The following TTC28 variants were observed in gnomAD, a reference collection of about 807,000 sequenced individuals.
TTC28 encodes tetratricopeptide repeat protein 28.
In TTC28, 61 loss-of-function variants were observed where a neutral mutation model predicts 198.0. The ratio of observed to expected loss-of-function variants is 0.31; its 90% confidence interval spans 0.25 to 0.38. TTC28 has a LOEUF of 0.38. TTC28 is among the 10% of genes least tolerant of loss of function. The pLI, the probability that TTC28 is intolerant of heterozygous loss-of-function variation, is 1.00. For synonymous variants in TTC28, 1,171 were observed against 1,297.8 expected (o/e 0.90, Z 2.10); for missense variants, 2,678 against 3,164.0 (o/e 0.85, Z 3.69).
chr22:28,473,455 T>C (rs746546476), intron 2 of TTC28, among the ~76,000 whole-genome samples: 1 of 152,180 alleles, frequency 6.6e-6, no homozygotes, highest in Non-Finnish European at 1.5e-5. Context: ...CAGTTTACTA[T>C]TGCCATGGCA....
intron 2 of TTC28, among the ~76,000 whole-genome samples, chr22:28,420,565 C>CAAAA (rs4035770): frequency 1.0e-5 from 1 of 98,010 alleles, no homozygotes; most frequent in African/African-American, 3.6e-5. Context: ...CTAAAAAATG[C>CAAAA]AAAAAAAAAA....
intron 12 of TTC28, among the ~76,000 whole-genome samples, chr22:28,042,264 T>C (rs1010895985): frequency 2.8e-5 from 4 of 144,984 alleles, no homozygotes; most frequent in Non-Finnish European, 5.9e-5. Context: ...CATGCTACTA[T>C]AAAGACACAT....
rs1491423278 is a variant in TTC28, at chr22:27,981,229, AAT to A, written c.*990_*991del. 396 of 72,652 alleles carry A rather than the reference AAT, an allele frequency of 5.5e-3. 25 individuals are homozygous for A. Among genetic ancestry groups the A allele is most frequent in the African/African-American group, 8.1e-3 (166 of 20,432 alleles). 4.5% of individuals were successfully genotyped at this position (72,652 alleles called of 1,614,324 possible). On this transcript the variant is annotated 3_prime_UTR_variant, in exon 23 of 23. Transcript: ENST00000397906. ...CTGGTTAAATCTAGTTAGCCATGGAAATTTTTTTTTTTTTTTTTTTTTTTTTT... is the reference window on the plus strand; with the variant it reads ...CTGGTTAAATCTAGTTAGCCATGGAATTTTTTTTTTTTTTTTTTTTTTTTT...
At chr22:27,990,847 G>T in intron 19 of TTC28, 35 bp from the exon 20 acceptor site, 1 of 1,543,278 alleles carries the variant, frequency 6.5e-7, no homozygotes. Context: ...AAGAAAGAAA[G>T]AGAGAAAGAA....
At position 28,094,090 on chromosome 22, in the gene TTC28, G is replaced by C. The variant is rs797011506; in HGVS notation, c.3922C>G (p.His1308Asp). Residue 1308 changes from histidine (H) to aspartate (D), a missense_variant, in exon 12 of 23, where the codon CAC (histidine) becomes GAC (aspartate). By Grantham distance (81) the His-to-Asp change is moderately conservative. Around this residue, in one of 8 missense-constraint regions of TTC28, gnomAD observed 727 missense variants for 861.9 expected, o/e 0.84. Coordinates refer to ENST00000397906, the MANE Select transcript of TTC28 (RefSeq NM_001145418.2). Reference sequence around the variant, plus strand: ...TGTTTTACTACCTACCTTGAGTAGTGAGACTCCACCCCCAGGGCCTCCCGG... The same window carrying C: ...TGTTTTACTACCTACCTTGAGTAGTCAGACTCCACCCCCAGGGCCTCCCGG... ...SVREALGVES[H>D]YSRACASSET... 8 of 1,544,332 alleles carry C rather than the reference G, an allele frequency of 5.2e-6. No individual in the cohort carries two copies. In the Admixed American group the frequency reaches 6.2e-5, roughly 12 times the overall value.
intron 12 of TTC28, among the ~76,000 whole-genome samples, chr22:28,036,064 C>A (rs949444812): frequency 1.3e-5 from 2 of 152,062 alleles, no homozygotes; most frequent in Non-Finnish European, 2.9e-5. Context: ...ACCCCTCTGT[C>A]GATATTAGAC....
chr22:28,174,273 T>A (rs1922953547), intron 5 of TTC28, among the ~76,000 whole-genome samples: 1 of 152,206 alleles, frequency 6.6e-6, no homozygotes, highest in Admixed American at 6.6e-5. Context: ...AATACAGTAT[T>A]TATAATGACC....
At chr22:28,365,960 T>C (rs1355637400) in intron 2 of TTC28, among the ~76,000 whole-genome samples, 2 of 152,166 alleles carry the variant, frequency 1.3e-5, no homozygotes, top group African/African-American at 2.4e-5. Context: ...ACACAAAATA[T>C]GGTACATGTC....
intron 2 of TTC28, among the ~76,000 whole-genome samples, chr22:28,308,427 C>CA (rs1372575172): frequency 2.0e-5 from 3 of 151,930 alleles, no homozygotes; most frequent in Non-Finnish European, 4.4e-5. Flanking sequence ...TTAAGAGACA[C>CA]AAAAAATGTC....
intron 2 of TTC28, among the ~76,000 whole-genome samples, chr22:28,449,594 T>C (rs1481028607): frequency 6.6e-6 from 1 of 152,220 alleles, no homozygotes; most frequent in African/African-American, 2.4e-5. Context: ...GAAATTCAAG[T>C]CAGTCAGATC....
At position 28,486,658 on chromosome 22, in the gene TTC28, G is replaced by A. The variant is rs558216787; in HGVS notation, c.381+142894C>T. Among the ~76,000 whole-genome samples the A allele has an allele frequency of 7.9e-5, 12 of 152,226 alleles. No homozygotes were observed. The East Asian group carries it at 9.6e-4, about 12-fold the overall frequency. ...ACAGCAAGAAGGGTCTACTCTTCACGGAAGGCCAATTGTAAAGTGGACAGA... is the reference window on the plus strand; with the variant it reads ...ACAGCAAGAAGGGTCTACTCTTCACAGAAGGCCAATTGTAAAGTGGACAGA... On this transcript the variant is annotated intron_variant, in intron 2 of 22. Coordinates refer to ENST00000397906, the MANE Select transcript of TTC28 (RefSeq NM_001145418.2).
chr22:28,460,622 GAT>G (rs1252592764), intron 2 of TTC28, among the ~76,000 whole-genome samples: 2 of 98,424 alleles, frequency 2.0e-5, no homozygotes, highest in African/African-American at 8.7e-5. Flanking sequence ...TAGATAGATA[GAT>G]AGATAGATAG....
chr22:28,479,077 CA>C (rs200134231), intron 2 of TTC28, among the ~76,000 whole-genome samples: 5 of 146,738 alleles, frequency 3.4e-5, no homozygotes, highest in South Asian at 4.4e-4. Flanking sequence ...GTTCAAAGAA[CA>C]AAAAAAAAAT....
At position 28,642,964 on chromosome 22, in the gene TTC28, A is replaced by T. The variant is rs983100346; in HGVS notation, c.103-13134T>A. On this transcript the variant is annotated intron_variant, in intron 1 of 22. Transcript: ENST00000397906. ...CAGATAGAGAACATTTTTTATTCTTATTTTTTTTTCCTAAAGAGACAGGGT... is the reference window on the plus strand; with the variant it reads ...CAGATAGAGAACATTTTTTATTCTTTTTTTTTTTTCCTAAAGAGACAGGGT... The T allele has an allele frequency of 4.0e-5, 6 of 151,330 alleles. No homozygotes were observed. The South Asian group carries it at 8.4e-4, about 21-fold the overall frequency. 9.4% of individuals were successfully genotyped at this position (151,330 alleles called of 1,614,324 possible).
At chr22:28,475,583 T>C (rs897495384) in intron 2 of TTC28, among the ~76,000 whole-genome samples, 33 of 152,226 alleles carry the variant, frequency 2.2e-4, no homozygotes, top group African/African-American at 7.7e-4. Context: ...TTGACTCTTG[T>C]GTATGTGAAG....
At chr22:28,452,257 G>A (rs893177666) in intron 2 of TTC28, among the ~76,000 whole-genome samples, 3 of 151,854 alleles carry the variant, frequency 2.0e-5, no homozygotes, top group Non-Finnish European at 4.4e-5. Flanking sequence ...GGGCATGGTG[G>A]CATGCACCTG....
chr22:28,486,476 T>C (rs1189282633), intron 2 of TTC28, among the ~76,000 whole-genome samples: 5 of 151,884 alleles, frequency 3.3e-5, no homozygotes, highest in Non-Finnish European at 7.4e-5. Flanking sequence ...ATTTAACCAT[T>C]TGCAGACTGC....
intron 2 of TTC28, among the ~76,000 whole-genome samples, chr22:28,568,610 A>G (rs2050016087): frequency 6.6e-6 from 1 of 152,234 alleles, no homozygotes; most frequent in South Asian, 2.1e-4. Context: ...TCCCATTCAC[A>G]AAATGGGATA....
intron 2 of TTC28, among the ~76,000 whole-genome samples, chr22:28,586,031 A>T (rs561280034): frequency 5.3e-5 from 8 of 151,992 alleles, no homozygotes; most frequent in African/African-American, 1.7e-4. Flanking sequence ...CTGTAATCCC[A>T]GCACTTTGGG....
Sources: gnomAD v4.1 joint callset for allele counts (sites outside exome capture counted in the v4.1 genomes callset) on GRCh38, gnomAD v4.1.1 for gene constraint, gnomAD v4.1.1 regional missense constraint, MANE v1.5 for transcripts, NCBI Gene and HGNC (gene_info 2026-07-23, HGNC 2026-07-21) for gene names.